The following TGFB2 variants were observed in gnomAD, a reference collection of about 807,000 sequenced individuals.
TGFB2 encodes transforming growth factor beta-2 proprotein.
A neutral mutation model predicts 42.7 loss-of-function variants in TGFB2; 13 were observed. That is an observed-to-expected ratio of 0.30 (90% CI 0.20 to 0.48). The LOEUF is 0.48. Ranked by LOEUF, TGFB2 falls within the 20% of genes least tolerant of loss-of-function variation. The pLI is 0.99. For missense variants in TGFB2, 390 were observed against 517.5 expected (o/e 0.75, Z 2.39); for synonymous variants, 193 against 193.6 (o/e 1.00, Z 0.03).
chr1:218,397,957 T>C (rs1174510143), intron 1 of TGFB2, among the ~76,000 whole-genome samples: 1 of 152,266 alleles, frequency 6.6e-6, no homozygotes, highest in Non-Finnish European at 1.5e-5. Flanking sequence ...TTCTGGCTTA[T>C]CTTGGAAAAT....
At chr1:218,389,193 GAAGACCTA>G (rs1382964657) in intron 1 of TGFB2, among the ~76,000 whole-genome samples, 4 of 152,332 alleles carry the variant, frequency 2.6e-5, no homozygotes, top group Middle Eastern at 3.4e-3. Flanking sequence ...GAAACACTAT[GAAGACCTA>G]AAGGATTGGG....
At chr1:218,437,280 G>A (rs1178858598) in intron 5 of TGFB2, 63 bp from the exon 6 acceptor site, 13 of 1,472,214 alleles carry the variant, frequency 8.8e-6, no homozygotes, top group African/African-American at 1.4e-5. Context: ...TGAGGTGGTG[G>A]TAGAGTGAGG....
chr1:218,433,117 G>A (rs1172152750), intron 2 of TGFB2, among the ~76,000 whole-genome samples: 2 of 152,036 alleles, frequency 1.3e-5, no homozygotes, highest in Non-Finnish European at 2.9e-5. Flanking sequence ...CACCCAGGCT[G>A]GAGTGCAGTA....
chr1:218,419,716 ATT>A (rs1044218863), intron 2 of TGFB2, among the ~76,000 whole-genome samples: 6 of 152,218 alleles, frequency 3.9e-5, no homozygotes, highest in African/African-American at 1.4e-4. Context: ...ATTCTGCTCC[ATT>A]TGTTTTAAAG....
At chr1:218,400,413 C>G (rs1658676762) in intron 1 of TGFB2, among the ~76,000 whole-genome samples, 1 of 151,996 alleles carries the variant, frequency 6.6e-6, no homozygotes, top group Non-Finnish European at 1.5e-5. Flanking sequence ...GACCTGAGAC[C>G]CTTGCCCTAA....
Position 218,398,895 on chromosome 1 carries a change from T to G in TGFB2, c.347-6274T>G, listed in dbSNP as rs73110378. Reference sequence around the variant, plus strand: ...CCACTGTGCCTGGATTATTTTAATTTTTTTTAGAGACAGGTCTCACTCTGT... The same window carrying G: ...CCACTGTGCCTGGATTATTTTAATTGTTTTTAGAGACAGGTCTCACTCTGT... On this transcript the variant is annotated intron_variant, in intron 1 of 6. Coordinates refer to ENST00000366930, the MANE Select transcript of TGFB2 (RefSeq NM_003238.6). 4.0e-3 allele frequency among the ~76,000 whole-genome samples: 605 copies of G among 152,226 alleles called. 3 individuals carry two copies. The highest frequency in any genetic ancestry group is 0.014 in the African/African-American group (590 of 41,548).
At chr1:218,402,468 A>G (rs1658756374) in intron 1 of TGFB2, among the ~76,000 whole-genome samples, 2 of 152,200 alleles carry the variant, frequency 1.3e-5, no homozygotes, top group Non-Finnish European at 2.9e-5. Context: ...AAGAAGAAGA[A>G]ACAAAATTGA....
chr1:218,434,542 C>A (rs1659910763), intron 4 of TGFB2, 94 bp downstream of exon 4: 4 of 761,484 alleles, frequency 5.3e-6, no homozygotes, highest in Non-Finnish European at 8.8e-6. Context: ...GAAAATGAGA[C>A]TGGTAAGGCC....
At position 218,348,789 on chromosome 1, in the gene TGFB2, G is replaced by A. The variant is rs143126436; in HGVS notation, c.346+1742G>A. On this transcript the variant is annotated intron_variant, in intron 1 of 6. Transcript: ENST00000366930. ...GGTTCTACCGGTATTTGGGCAGAGC[G>A]GAAAGTATGTTATGTAGAACCTGAA... Among the ~76,000 whole-genome samples, 8 of 152,266 alleles carry A rather than the reference G, an allele frequency of 5.3e-5. No individual in the cohort carries two copies. In the East Asian group the frequency reaches 5.8e-4, roughly 11 times the overall value.
intron 2 of TGFB2, among the ~76,000 whole-genome samples, chr1:218,425,018 C>T (rs1382694085): frequency 6.6e-6 from 1 of 152,136 alleles, no homozygotes; most frequent in African/African-American, 2.4e-5. Flanking sequence ...TGAGGGAAGC[C>T]ACCTCTTGTG....
chr1:218,425,293 C>T (rs1010850563), intron 2 of TGFB2, among the ~76,000 whole-genome samples: 5 of 152,204 alleles, frequency 3.3e-5, no homozygotes, highest in African/African-American at 7.2e-5. Context: ...CCACAAGCTC[C>T]GTCTCCTGGG....
intron 2 of TGFB2, among the ~76,000 whole-genome samples, chr1:218,433,741 G>A (rs1373321481): frequency 6.6e-6 from 1 of 152,162 alleles, no homozygotes; most frequent in South Asian, 2.1e-4. Context: ...AGCAGAACAA[G>A]AAAACCATTA....
At chr1:218,373,466 TTATAA>T (rs975337356) in intron 1 of TGFB2, among the ~76,000 whole-genome samples, 2 of 151,694 alleles carry the variant, frequency 1.3e-5, no homozygotes, top group South Asian at 2.1e-4. Flanking sequence ...ATATGATTAG[TTATAA>T]TATGATTATA....
chr1:218,434,317 C>T (rs770038112), intron 3 of TGFB2, 21 bp from the exon 4 acceptor site: 2 of 1,612,600 alleles, frequency 1.2e-6, no homozygotes, highest in Admixed American at 3.3e-5. Context: ...CAAATGACCT[C>T]CTTGACTTAA....
intron 2 of TGFB2, among the ~76,000 whole-genome samples, chr1:218,408,509 A>T (rs759846141): frequency 1.3e-5 from 2 of 152,232 alleles, no homozygotes; most frequent in East Asian, 3.8e-4. Flanking sequence ...GCAGAAAAAT[A>T]TAAAATAATA....
At position 218,346,685 on chromosome 1, in the gene TGFB2, T is replaced by C; in HGVS notation, c.-17T>C. On this transcript the variant is annotated 5_prime_UTR_variant, in exon 1 of 7. Transcript: ENST00000366930. The surrounding 1 kb of genome is among the most constrained non-coding windows in gnomAD (Gnocchi z 4.9). ...TCTGACTTTTAAAAACAACTTTTTT[T>C]TCCACTTTTTTAAAAAATGCACTAC... 6.4e-7 allele frequency: 1 copy of C among 1,569,430 alleles called. No homozygotes were observed.
At chr1:218,414,027 T>C (rs1659189666) in intron 2 of TGFB2, among the ~76,000 whole-genome samples, 1 of 152,200 alleles carries the variant, frequency 6.6e-6, no homozygotes, top group Non-Finnish European at 1.5e-5. Context: ...GGACATTGCA[T>C]ATGTAACATC....
At chr1:218,377,578 C>G (rs537436614) in intron 1 of TGFB2, among the ~76,000 whole-genome samples, 6 of 152,208 alleles carry the variant, frequency 3.9e-5, no homozygotes, top group Admixed American at 3.3e-4. Context: ...CCTCCTCCCC[C>G]TAATGTATTT....
chr1:218,363,284 G>C, intron 1 of TGFB2: 1 of 1,436,546 alleles, frequency 7.0e-7, no homozygotes, highest in Non-Finnish European at 9.8e-7. Flanking sequence ...TTCTGTGCCA[G>C]GCATCTCTTC....
Sources: allele counts gnomAD v4.1 joint callset (sites outside exome capture counted in the v4.1 genomes callset), GRCh38; gene constraint gnomAD v4.1.1; non-coding constraint Gnocchi (gnomAD v3.1); transcripts MANE v1.5; gene names NCBI Gene and HGNC (gene_info 2026-07-23, HGNC 2026-07-21).